Variants in TMEM163 observed in about 807,000 individuals in gnomAD.
TMEM163 encodes the protein transmembrane protein 163.
TMEM163 carries 17 observed loss-of-function variants against 29.3 expected under a neutral mutation model. The observed-to-expected ratio is 0.58, with a 90% CI of 0.40 to 0.87. The LOEUF is 0.87. TMEM163 is among the 40% of genes least tolerant of loss of function. The pLI, the probability that TMEM163 is intolerant of heterozygous loss-of-function variation, is 0.00. For synonymous variants in TMEM163, 157 were observed against 160.6 expected (o/e 0.98, Z 0.17); for missense variants, 303 against 381.5 (o/e 0.79, Z 1.71).
At chr2:134,682,979 C>A (rs1473648172) in intron 2 of TMEM163, among the ~76,000 whole-genome samples, 1 of 152,064 alleles carries the variant, frequency 6.6e-6, no homozygotes, top group African/African-American at 2.4e-5. Context: ...CACGGAGGAA[C>A]CGTAAACGCA....
At chr2:134,610,162 C>T (rs377412400) in intron 2 of TMEM163, among the ~76,000 whole-genome samples, 3 of 152,172 alleles carry the variant, frequency 2.0e-5, no homozygotes, top group East Asian at 3.9e-4. Context: ...AAGAGATGGC[C>T]GTAAACACTG....
Position 134,718,771 on chromosome 2 carries a change from G to A in TMEM163, c.165C>T (p.Ser55=). Residue 55 remains serine (S), a synonymous_variant, in exon 1 of 8, where the codon AGC becomes AGT. Coordinates refer to ENST00000281924, the MANE Select transcript of TMEM163 (RefSeq NM_030923.5). ...GCCCGTCGCTGAACTGGCCGCTCTC[G>A]CTGATCCGCACCTGCCGCTCCTCCT... ...QLEEERQVRI[S]ESGQFSDGLE... is the part of the protein sequence containing the mutation. 8.7e-6 allele frequency: 10 copies of A among 1,154,030 alleles called. No homozygotes were observed. The highest frequency in any genetic ancestry group is 1.1e-5 in the Non-Finnish European group (10 of 938,254). 71.5% of individuals were successfully genotyped at this position (1,154,030 alleles called of 1,614,324 possible).
chr2:134,489,480 G>C (rs1679382510), intron 5 of TMEM163, among the ~76,000 whole-genome samples: 1 of 151,902 alleles, frequency 6.6e-6, no homozygotes, highest in Non-Finnish European at 1.5e-5. Flanking sequence ...GGGAGGCTGA[G>C]GCAGGAGAAT....
chr2:134,680,140 C>T (rs117381030), intron 2 of TMEM163, among the ~76,000 whole-genome samples: 62 of 152,236 alleles, frequency 4.1e-4, no homozygotes, highest in African/African-American at 1.3e-3. Context: ...CTGTTAACTA[C>T]GTAAATGGCT....
At chr2:134,622,889 A>G (rs1682771137) in intron 2 of TMEM163, among the ~76,000 whole-genome samples, 1 of 151,960 alleles carries the variant, frequency 6.6e-6, no homozygotes, top group South Asian at 2.1e-4. Flanking sequence ...CAGCCTCCCG[A>G]GTTGCTGGGA....
At chr2:134,548,448 G>A (rs1406657745) in intron 4 of TMEM163, among the ~76,000 whole-genome samples, 5 of 152,300 alleles carry the variant, frequency 3.3e-5, no homozygotes, top group Admixed American at 3.3e-4. Flanking sequence ...TAGAACCAAA[G>A]ATGACATGTT....
chr2:134,575,828 A>T (rs1427389301), intron 2 of TMEM163, among the ~76,000 whole-genome samples: 2 of 151,908 alleles, frequency 1.3e-5, no homozygotes, highest in African/African-American at 4.8e-5. Flanking sequence ...ATGAGAGAAC[A>T]TCCTAAGTCA....
chr2:134,628,892 G>A (rs1682908958), intron 2 of TMEM163, among the ~76,000 whole-genome samples: 1 of 152,170 alleles, frequency 6.6e-6, no homozygotes. Flanking sequence ...CCATCAATGA[G>A]GAATTTTGTT....
intron 2 of TMEM163, among the ~76,000 whole-genome samples, chr2:134,582,204 TA>T (rs2104795169): frequency 6.6e-6 from 1 of 151,900 alleles, no homozygotes; most frequent in South Asian, 2.1e-4. Context: ...GGAAGGGGAG[TA>T]AGTTTTGCAA....
At chr2:134,671,718 G>C (rs998451) in intron 2 of TMEM163, among the ~76,000 whole-genome samples, 7 of 152,082 alleles carry the variant, frequency 4.6e-5, no homozygotes, top group African/African-American at 1.7e-4. Context: ...TGGGGTTGAC[G>C]AGCATGAATA....
chr2:134,557,983 C>G (rs1681085667), intron 2 of TMEM163, among the ~76,000 whole-genome samples: 1 of 151,976 alleles, frequency 6.6e-6, no homozygotes, highest in Non-Finnish European at 1.5e-5. Context: ...ATCATTTAAA[C>G]CAGAAAAAGA....
chr2:134,704,397 T>C (rs903408430), intron 2 of TMEM163, among the ~76,000 whole-genome samples: 1 of 152,128 alleles, frequency 6.6e-6, no homozygotes, highest in East Asian at 1.9e-4. Context: ...TGGTTGTACA[T>C]GTCCCTGCGG....
chr2:134,566,838 G>A (rs574834407), intron 2 of TMEM163, among the ~76,000 whole-genome samples: 1 of 152,270 alleles, frequency 6.6e-6, no homozygotes, highest in East Asian at 1.9e-4. Flanking sequence ...TAAGAGAGTT[G>A]TTTAATAAAT....
chr2:134,637,437 GCCATTCTCAA>G (rs1425887575), intron 2 of TMEM163, among the ~76,000 whole-genome samples: 2 of 152,238 alleles, frequency 1.3e-5, no homozygotes, highest in East Asian at 3.9e-4. Flanking sequence ...ATGGGCTCCA[GCCATTCTCAA>G]CCTAGAACTA....
intron 2 of TMEM163, among the ~76,000 whole-genome samples, chr2:134,634,703 A>T (rs1475008268): frequency 3.9e-5 from 6 of 152,246 alleles, no homozygotes; most frequent in Non-Finnish European, 5.9e-5. Flanking sequence ...CAGACAGTAG[A>T]TATTTTAGGC....
At chr2:134,695,876 C>T (rs1684568857) in intron 2 of TMEM163, among the ~76,000 whole-genome samples, 2 of 152,026 alleles carry the variant, frequency 1.3e-5, no homozygotes, top group African/African-American at 2.4e-5. Flanking sequence ...TATGGCGAAA[C>T]CCCGTCTCTA....
intron 5 of TMEM163, among the ~76,000 whole-genome samples, chr2:134,499,553 G>C (rs1170602310): frequency 6.6e-6 from 1 of 152,212 alleles, no homozygotes; most frequent in Non-Finnish European, 1.5e-5. Context: ...TGAGGGGCAG[G>C]CAACACCACG....
Position 134,460,454 on chromosome 2 carries a change from A to C in TMEM163, c.668-2281T>G. ...CCCCCCTCCTCTCACTGGAAACCTA[A>C]GCTTAAGGACAGGAACTTTGTCTCT... On this transcript the variant is annotated intron_variant, in intron 6 of 7. Coordinates refer to ENST00000281924, the MANE Select transcript of TMEM163 (RefSeq NM_030923.5). This position sits in a 1 kb window ranked among gnomAD's most constrained non-coding sequence, Gnocchi z 4.3. Among the ~76,000 whole-genome samples the C allele has an allele frequency of 6.6e-6, 1 of 152,082 alleles. No homozygotes were observed. The highest frequency in any genetic ancestry group is 6.5e-5 in the Admixed American group (1 of 15,268).
intron 2 of TMEM163, among the ~76,000 whole-genome samples, chr2:134,570,493 CATAT>C (rs1558948930): frequency 1.9e-4 from 26 of 133,526 alleles, no homozygotes; most frequent in African/African-American, 9.5e-4. Context: ...TATACATATA[CATAT>C]ACATATACAT....
Sources: allele counts gnomAD v4.1 joint callset (sites outside exome capture counted in the v4.1 genomes callset), GRCh38; gene constraint gnomAD v4.1.1; non-coding constraint Gnocchi (gnomAD v3.1); transcripts MANE v1.5; gene names NCBI Gene and HGNC (gene_info 2026-07-23, HGNC 2026-07-21).